FAM107B: variants seen among roughly 807,000 people sequenced by gnomAD.
FAM107B encodes the protein protein FAM107B.
In FAM107B, 21 loss-of-function variants were observed where a neutral mutation model predicts 31.5. That is an observed-to-expected ratio of 0.67 (90% CI 0.47 to 0.96). The LOEUF (loss-of-function observed/expected upper bound fraction) is 0.96. Ranked by LOEUF, FAM107B falls within the 40% of genes least tolerant of loss-of-function variation. The pLI is 0.00. For synonymous variants in FAM107B, 157 were observed against 141.5 expected (o/e 1.11, Z -0.78); for missense variants, 452 against 377.1 (o/e 1.20, Z -1.64).
At chr10:14,700,649 C>A (rs1176398213) in intron 1 of FAM107B, among the ~76,000 whole-genome samples, 1 of 151,974 alleles carries the variant, frequency 6.6e-6, no homozygotes, top group Non-Finnish European at 1.5e-5. Flanking sequence ...TCTGCTGCAA[C>A]TCCCTCTACA....
intron 2 of FAM107B, among the ~76,000 whole-genome samples, chr10:14,623,393 T>C (rs934888308): frequency 6.6e-6 from 1 of 152,210 alleles, no homozygotes; most frequent in African/African-American, 2.4e-5. Flanking sequence ...TGTGGCTAAA[T>C]AAAGATCTGG....
chr10:14,616,910 C>T (rs754742589), intron 2 of FAM107B, among the ~76,000 whole-genome samples: 4 of 151,272 alleles, frequency 2.6e-5, no homozygotes, highest in Non-Finnish European at 5.9e-5. Context: ...CACAGGGAGA[C>T]CCTGTCTCAA....
At chr10:14,721,142 G>A (rs1855902402) in intron 1 of FAM107B, among the ~76,000 whole-genome samples, 2 of 152,100 alleles carry the variant, frequency 1.3e-5, no homozygotes, top group Non-Finnish European at 2.9e-5. Context: ...ATGGTTTCCA[G>A]CTTCATCCAT....
At chr10:14,582,833 C>T (rs1338564070) in intron 2 of FAM107B, among the ~76,000 whole-genome samples, 1 of 152,094 alleles carries the variant, frequency 6.6e-6, no homozygotes, top group Non-Finnish European at 1.5e-5. Flanking sequence ...CGCCTATAAT[C>T]CCAGCACTTT....
chr10:14,575,892 T>C (rs1299822375), intron 2 of FAM107B, among the ~76,000 whole-genome samples: 1 of 152,144 alleles, frequency 6.6e-6, no homozygotes, highest in Non-Finnish European at 1.5e-5. Flanking sequence ...ACAACACAGA[T>C]ATTAGGCATT....
Position 14,540,648 on chromosome 10 carries a change from C to G in FAM107B, c.470-10133G>C, listed in dbSNP as rs542366353. 1.4e-4 allele frequency among the ~76,000 whole-genome samples: 21 copies of G among 152,358 alleles called. No individual in the cohort carries two copies. In the South Asian group the frequency reaches 4.1e-3, roughly 30 times the overall value. On this transcript the variant is annotated intron_variant, in intron 2 of 4. Coordinates refer to ENST00000181796, the MANE Select transcript of FAM107B (RefSeq NM_031453.4). ...CACAGCCCTGTCCTCTTCTCTCGAT[C>G]ATGCCTCTGGAAACCCCATACACCT...
intron 3 of FAM107B, among the ~76,000 whole-genome samples, chr10:14,523,670 G>C (rs1436433106): frequency 6.6e-6 from 1 of 152,186 alleles, no homozygotes; most frequent in Non-Finnish European, 1.5e-5. Flanking sequence ...GCTCCGGCCA[G>C]AGAAATTCAA....
rs1385653637 is a variant in FAM107B, at chr10:14,774,808, A to T, written c.-145T>A. The T allele has an allele frequency of 1.4e-5, 13 of 907,374 alleles. No homozygotes were observed. The highest frequency in any genetic ancestry group is 1.2e-4 in the Admixed American group (4 of 33,902). 56.2% of individuals were successfully genotyped at this position (907,374 alleles called of 1,614,324 possible). ...TGGTTGCCCCTAAATAGAAGTTGGGATGGCAAGGCCACCTTCCCTGAGAGT... is the reference window on the plus strand; with the variant it reads ...TGGTTGCCCCTAAATAGAAGTTGGGTTGGCAAGGCCACCTTCCCTGAGAGT... On this transcript the variant is annotated 5_prime_UTR_variant, in exon 1 of 5. Transcript: ENST00000181796.
At chr10:14,712,362 G>A (rs185378009) in intron 1 of FAM107B, among the ~76,000 whole-genome samples, 171 of 152,124 alleles carry the variant, frequency 1.1e-3, no homozygotes, top group African/African-American at 3.8e-3. Flanking sequence ...AGGCTGAGGC[G>A]GGTGGATCAT....
intron 1 of FAM107B, among the ~76,000 whole-genome samples, chr10:14,675,069 A>G (rs1292079202): frequency 6.6e-6 from 1 of 152,142 alleles, no homozygotes; most frequent in East Asian, 1.9e-4. Flanking sequence ...AAATTCTCTG[A>G]AAATACTTGC....
At chr10:14,580,719 A>G (rs1215406669) in intron 2 of FAM107B, among the ~76,000 whole-genome samples, 1 of 152,186 alleles carries the variant, frequency 6.6e-6, no homozygotes, top group Non-Finnish European at 1.5e-5. Context: ...TTAAAGGCCA[A>G]AGACATAGGA....
chr10:14,666,420 A>G (rs1294236057), intron 2 of FAM107B, among the ~76,000 whole-genome samples: 1 of 152,186 alleles, frequency 6.6e-6, no homozygotes, highest in Admixed American at 6.5e-5. Context: ...ACTCACTATC[A>G]TGAGAACAGC....
chr10:14,591,617 C>T (rs1032072747), intron 2 of FAM107B, among the ~76,000 whole-genome samples: 3 of 152,164 alleles, frequency 2.0e-5, no homozygotes, highest in Admixed American at 6.5e-5. Context: ...TGAATGCTAA[C>T]GGCATTGGGA....
At chr10:14,771,943 T>C (rs559630137) in intron 1 of FAM107B, among the ~76,000 whole-genome samples, 289 of 152,352 alleles carry the variant, frequency 1.9e-3, no homozygotes, top group African/African-American at 6.2e-3. Flanking sequence ...GGATGGACTT[T>C]GGAGTCAAAC....
intron 2 of FAM107B, among the ~76,000 whole-genome samples, chr10:14,591,463 G>A (rs780856370): frequency 2.0e-5 from 3 of 152,184 alleles, no homozygotes; most frequent in Non-Finnish European, 4.4e-5. Context: ...GAATTCTGTA[G>A]ATGCCCCTAA....
intron 1 of FAM107B, among the ~76,000 whole-genome samples, chr10:14,670,563 A>G (rs574540943): frequency 6.6e-6 from 1 of 152,358 alleles, no homozygotes; most frequent in East Asian, 1.9e-4. Flanking sequence ...AATAATCCAA[A>G]TAAAGTCATT....
chr10:14,718,268 AG>A (rs1322888936), intron 1 of FAM107B, among the ~76,000 whole-genome samples: 4 of 152,152 alleles, frequency 2.6e-5, no homozygotes, highest in Non-Finnish European at 5.9e-5. Context: ...CGGAGGTTGC[AG>A]TGAGCCAAGA....
At chr10:14,582,859 G>A (rs532792151) in intron 2 of FAM107B, among the ~76,000 whole-genome samples, 1 of 152,052 alleles carries the variant, frequency 6.6e-6, no homozygotes, top group Non-Finnish European at 1.5e-5. Context: ...GCCAAGGCAC[G>A]TGAACCACCT....
At chr10:14,562,874 C>T (rs1014311277) in intron 2 of FAM107B, among the ~76,000 whole-genome samples, 2 of 152,200 alleles carry the variant, frequency 1.3e-5, no homozygotes, top group African/African-American at 2.4e-5. Context: ...GCTCTGTTAT[C>T]CCATAGGACA....
Sources: gnomAD v4.1 joint callset for allele counts (sites outside exome capture counted in the v4.1 genomes callset) on GRCh38, gnomAD v4.1.1 for gene constraint, MANE v1.5 for transcripts, NCBI Gene and HGNC (gene_info 2026-07-23, HGNC 2026-07-21) for gene names.